The following TIMM9 variants were observed in gnomAD, a reference collection of about 807,000 sequenced individuals.
TIMM9 encodes the protein mitochondrial import inner membrane translocase subunit Tim9.
TIMM9 carries 10 observed loss-of-function variants against 13.4 expected under a neutral mutation model. That is an observed-to-expected ratio of 0.75 (90% CI 0.46 to 1.26). TIMM9 has a LOEUF of 1.26. Among genes scored for constraint, TIMM9 ranks in the 50% most tolerant of loss-of-function variants. The pLI is 0.00. For synonymous variants in TIMM9, 32 were observed against 32.1 expected (o/e 1.00, Z 0.01); for missense variants, 87 against 100.8 (o/e 0.86, Z 0.58).
Position 58,427,527 on chromosome 14 carries a change from A to C in TIMM9, c.-439T>G. ...GAGCGGTCTTGTGCGGCAATGTGCT[A>C]CCTTAAAATAAATAAATAAATAAAC... On this transcript the variant is annotated 5_prime_UTR_variant, in exon 1 of 6. Coordinates refer to ENST00000395159, the MANE Select transcript of TIMM9 (RefSeq NM_012460.4). 1 of 1,479,794 alleles carries C rather than the reference A, an allele frequency of 6.8e-7. No individual in the cohort carries two copies. Among genetic ancestry groups the C allele is most frequent in the Non-Finnish European group, 9.1e-7 (1 of 1,097,306 alleles). The allele number at this position is 1,479,794 out of a possible 1,614,324, so 91.7% of individuals were successfully genotyped here.
At chr14:58,412,831 G>A (rs563882576) in intron 3 of TIMM9, among the ~76,000 whole-genome samples, 2 of 152,192 alleles carry the variant, frequency 1.3e-5, no homozygotes, top group African/African-American at 2.4e-5. Context: ...AACTCAGGAC[G>A]TTGAGGTTAC....
chr14:58,409,640 G>A (rs567899787), intron 5 of TIMM9, among the ~76,000 whole-genome samples: 3 of 152,116 alleles, frequency 2.0e-5, no homozygotes, highest in African/African-American at 7.2e-5. Flanking sequence ...GTGCAGTGGC[G>A]TGATCTCGGC....
rs1595004110 is a variant in TIMM9 at position 58,408,942 on chromosome 14, C to T, written c.*92G>A. ...GACAGATGGTTGAACATGGTGGCTA[C>T]TGCTTTCAGGGGATTCTATCAGATG... On this transcript the variant is annotated 3_prime_UTR_variant, in exon 6 of 6. Coordinates refer to ENST00000395159, the MANE Select transcript of TIMM9 (RefSeq NM_012460.4). 6.6e-7 allele frequency: 1 copy of T among 1,517,152 alleles called. No individual in the cohort carries two copies. The highest frequency in any genetic ancestry group is 1.4e-5 in the African/African-American group (1 of 71,272). The allele number at this position is 1,517,152 out of a possible 1,614,324, so 94.0% of individuals were successfully genotyped here. A position where few individuals can be genotyped will look rare whatever the true frequency, so the allele number is the denominator to read the frequency against.
rs374264312 is a variant in TIMM9 at position 58,417,710 on chromosome 14, T to C, written c.-26-5739A>G. Among the ~76,000 whole-genome samples the C allele has an allele frequency of 2.6e-5, 4 of 151,640 alleles. 1 individual carries two copies. On this transcript the variant is annotated intron_variant, in intron 3 of 5. Coordinates refer to ENST00000395159, the MANE Select transcript of TIMM9 (RefSeq NM_012460.4). ...TTAAATCAGTAATCCAAGCTCCTCC[T>C]ACCTCAAGCACCTAAAAAAGAAGAG...
intron 2 of TIMM9, among the ~76,000 whole-genome samples, chr14:58,424,797 C>T (rs542489970): frequency 1.3e-5 from 2 of 151,960 alleles, no homozygotes; most frequent in African/African-American, 4.8e-5. Flanking sequence ...AGCCCAGGAG[C>T]TTGAGGCTGC....
At position 58,427,509 on chromosome 14, in the gene TIMM9, C is replaced by A; in HGVS notation, c.-421G>T. 7.3e-7 allele frequency: 1 copy of A among 1,372,766 alleles called. No homozygotes were observed. Among genetic ancestry groups the A allele is most frequent in the Non-Finnish European group, 1.0e-6 (1 of 1,002,936 alleles). 85.0% of individuals were successfully genotyped at this position (1,372,766 alleles called of 1,614,324 possible). On this transcript the variant is annotated 5_prime_UTR_variant, in exon 1 of 6. Coordinates refer to ENST00000395159, the MANE Select transcript of TIMM9 (RefSeq NM_012460.4). The stretch of plus-strand genomic sequence containing the variant: ...GTCTTGGATGAGACTGTAGAGCGGT[C>A]TTGTGCGGCAATGTGCTACCTTAAA...
rs529946095 is a variant in TIMM9, at chr14:58,413,837, C to T, written c.-26-1866G>A. 1.2e-4 allele frequency among the ~76,000 whole-genome samples: 18 copies of T among 151,264 alleles called. 1 individual carries two copies. The highest frequency in any genetic ancestry group is 4.1e-4 in the African/African-American group (17 of 41,226). On this transcript the variant is annotated intron_variant, in intron 3 of 5. Coordinates refer to ENST00000395159, the MANE Select transcript of TIMM9 (RefSeq NM_012460.4). Reference sequence around the variant, plus strand: ...CCTGGCTAACACAGTGAAACCCCGTCTTTACTAAAAATACAAAAAATTAGC... The same window carrying T: ...CCTGGCTAACACAGTGAAACCCCGTTTTTACTAAAAATACAAAAAATTAGC...
rs535995403 is a variant in TIMM9, at chr14:58,426,570, T to G, written c.-115+484A>C. On this transcript the variant is annotated intron_variant, in intron 2 of 5. Coordinates refer to ENST00000395159, the MANE Select transcript of TIMM9 (RefSeq NM_012460.4). ...CTGCCGAGATGTAAAAGAAATAAAA[T>G]TAGTTATTTAGCTTTTAGATCGGAT... Among the ~76,000 whole-genome samples, 18 of 152,298 alleles carry G rather than the reference T, an allele frequency of 1.2e-4. No homozygotes were observed. In the South Asian group the frequency reaches 3.7e-3, roughly 32 times the overall value.
At position 58,427,517 on chromosome 14, in the gene TIMM9, G is replaced by T; in HGVS notation, c.-429C>A. On this transcript the variant is annotated 5_prime_UTR_variant, in exon 1 of 6. Transcript: ENST00000395159. ...TGAGACTGTAGAGCGGTCTTGTGCGGCAATGTGCTACCTTAAAATAAATAA... is the reference window on the plus strand; with the variant it reads ...TGAGACTGTAGAGCGGTCTTGTGCGTCAATGTGCTACCTTAAAATAAATAA... 7.0e-7 allele frequency: 1 copy of T among 1,426,802 alleles called. No homozygotes were observed. The highest frequency in any genetic ancestry group is 9.5e-7 in the Non-Finnish European group (1 of 1,050,684). The allele number at this position is 1,426,802 out of a possible 1,614,324, so 88.4% of individuals were successfully genotyped here.
intron 3 of TIMM9, among the ~76,000 whole-genome samples, chr14:58,422,742 ATGATT>A (rs2036625132): frequency 6.6e-6 from 1 of 152,152 alleles, no homozygotes; most frequent in Admixed American, 6.5e-5. Context: ...TGTTAACACT[ATGATT>A]TATTTTCTTT....
At chr14:58,419,073 C>G (rs1301104071) in intron 3 of TIMM9, among the ~76,000 whole-genome samples, 1 of 152,092 alleles carries the variant, frequency 6.6e-6, no homozygotes, top group Admixed American at 6.6e-5. Context: ...AAAGAGCCTA[C>G]AATAATCAAT....
At chr14:58,415,716 T>C (rs2036383389) in intron 3 of TIMM9, among the ~76,000 whole-genome samples, 1 of 151,990 alleles carries the variant, frequency 6.6e-6, no homozygotes, top group African/African-American at 2.4e-5. Flanking sequence ...TGTAGAAGTA[T>C]AAAAAAGTGA....
intron 3 of TIMM9, 189 bp downstream of exon 3, chr14:58,423,819 A>G (rs2036661019): frequency 6.6e-6 from 1 of 152,208 alleles, no homozygotes; most frequent in Non-Finnish European, 1.5e-5. Context: ...AAGACCCATC[A>G]GGGGTTACCT....
chr14:58,424,110 A>G lies in TIMM9; in HGVS notation c.-114-15T>C, dbSNP rs2036669024. 6.6e-6 allele frequency: 1 copy of G among 152,238 alleles called. No individual in the cohort carries two copies. Among genetic ancestry groups the G allele is most frequent in the Non-Finnish European group, 1.5e-5 (1 of 68,044 alleles). The allele number at this position is 152,238 out of a possible 1,614,324, so 9.4% of individuals were successfully genotyped here. A position where few individuals can be genotyped will look rare whatever the true frequency, so the allele number is the denominator to read the frequency against. On this transcript the variant is annotated splice_polypyrimidine_tract_variant and intron_variant, in intron 2 of 5. Transcript: ENST00000395159. ...CTGATTCTTACCTGAAAAATGAGGT[A>G]ATATGATTACTAAGTCCCCTTCAAG...
rs191731482 is a variant in TIMM9, at chr14:58,426,606, G to A, written c.-115+448C>T. Among the ~76,000 whole-genome samples, 753 of 152,282 alleles carry A rather than the reference G, an allele frequency of 4.9e-3. 2 individuals are homozygous for A. The highest frequency in any genetic ancestry group is 8.0e-3 in the Non-Finnish European group (545 of 68,020). ...GCTTTTAGATCGGATTACATTTTCT[G>A]CTTTGATTATTCTAAAGCCTCCAGT... is the stretch of plus-strand genomic sequence containing the variant. On this transcript the variant is annotated intron_variant, in intron 2 of 5. Coordinates refer to ENST00000395159, the MANE Select transcript of TIMM9 (RefSeq NM_012460.4).
chr14:58,408,754 CAA>C lies in TIMM9; in HGVS notation c.*278_*279del. On this transcript the variant is annotated 3_prime_UTR_variant, in exon 6 of 6. Coordinates refer to ENST00000395159, the MANE Select transcript of TIMM9 (RefSeq NM_012460.4). ...AAATTAACAGTCACAATTGAAGAAA[CAA>C]TGGTTTATTTTTCTAATCAAGTGAC... 2.8e-6 allele frequency: 2 copies of C among 726,206 alleles called. No individual in the cohort carries two copies. Among genetic ancestry groups the C allele is most frequent in the Non-Finnish European group, 4.3e-6 (2 of 460,530 alleles). 45.0% of individuals were successfully genotyped at this position (726,206 alleles called of 1,614,324 possible).
chr14:58,408,839 A>C lies in TIMM9; in HGVS notation c.*195T>G. On this transcript the variant is annotated 3_prime_UTR_variant, in exon 6 of 6. Transcript: ENST00000395159. ...TTGCATCTTATTATTTCACTGAACA[A>C]TAAGACCTTCTATTGTGATTATTCC... The C allele has an allele frequency of 1.3e-6, 1 of 799,452 alleles. No homozygotes were observed. The highest frequency in any genetic ancestry group is 1.9e-6 in the Non-Finnish European group (1 of 524,348). The allele number at this position is 799,452 out of a possible 1,614,324, so 49.5% of individuals were successfully genotyped here. A position where few individuals can be genotyped will look rare whatever the true frequency, so the allele number is the denominator to read the frequency against.
At chr14:58,410,183 C>T (rs373731094) in intron 5 of TIMM9, among the ~76,000 whole-genome samples, 1 of 151,918 alleles carries the variant, frequency 6.6e-6, no homozygotes, top group Non-Finnish European at 1.5e-5. Flanking sequence ...GTGACCCTCT[C>T]ACCTCAGCTC....
chr14:58,420,767 T>C (rs1216194654), intron 3 of TIMM9, among the ~76,000 whole-genome samples: 21 of 122,714 alleles, frequency 1.7e-4, no homozygotes. Context: ...CACTCCAACC[T>C]GGGTGACGAG....
Sources: allele counts gnomAD v4.1 joint callset (sites outside exome capture counted in the v4.1 genomes callset), GRCh38; gene constraint gnomAD v4.1.1; transcripts MANE v1.5; gene names NCBI Gene and HGNC (gene_info 2026-07-23, HGNC 2026-07-21).